The following CCDC172 variants were observed in gnomAD, a reference collection of about 807,000 sequenced individuals.
CCDC172 encodes the protein coiled-coil domain containing 172.
In CCDC172, 30 loss-of-function variants were observed where a neutral mutation model predicts 38.0. That is an observed-to-expected ratio of 0.79 (90% CI 0.59 to 1.07). The LOEUF (loss-of-function observed/expected upper bound fraction) is 1.07, where lower values mean the gene tolerates loss of function less well. Ranked by LOEUF, CCDC172 falls within the 50% of genes least tolerant of loss-of-function variation. The pLI, the probability that CCDC172 is intolerant of heterozygous loss-of-function variation, is 0.00. For synonymous variants in CCDC172, 78 were observed against 88.3 expected (o/e 0.88, Z 0.66); for missense variants, 297 against 290.1 (o/e 1.02, Z -0.17).
intron 5 of CCDC172, among the ~76,000 whole-genome samples, chr10:116,353,375 A>T (rs745574147): frequency 6.6e-6 from 1 of 152,228 alleles, no homozygotes; most frequent in Admixed American, 6.5e-5. Flanking sequence ...GCAATAAAGT[A>T]TAGATAAATT....
chr10:116,340,250 A>G (rs1414116440), intron 3 of CCDC172, among the ~76,000 whole-genome samples: 2 of 151,790 alleles, frequency 1.3e-5, no homozygotes, highest in East Asian at 3.9e-4. Context: ...TTTTTATTTG[A>G]TATAACTATA....
intron 5 of CCDC172, among the ~76,000 whole-genome samples, chr10:116,354,921 A>T (rs914944418): frequency 4.6e-5 from 7 of 152,212 alleles, no homozygotes. Context: ...TTTTACAAAA[A>T]AAGTTTAAGA....
chr10:116,349,620 G>C (rs149358524), intron 5 of CCDC172, among the ~76,000 whole-genome samples: 8 of 152,272 alleles, frequency 5.3e-5, no homozygotes, highest in Admixed American at 2.6e-4. Context: ...TTTTCACAGA[G>C]AGAGGAACTA....
intron 7 of CCDC172, among the ~76,000 whole-genome samples, chr10:116,373,649 C>T (rs190869332): frequency 2.6e-5 from 4 of 152,172 alleles, no homozygotes; most frequent in Admixed American, 6.5e-5. Flanking sequence ...GGATTACAGG[C>T]GTGTGCCACC....
Position 116,338,608 on chromosome 10 carries a change from A to G in CCDC172, c.166-2126A>G, listed in dbSNP as rs558249370. ...ATTTCATTTTTTAGGTAATGGTGAA[A>G]TATTCTGGTTAAGTGCCAATATGTC... is the stretch of plus-strand genomic sequence containing the variant. On this transcript the variant is annotated intron_variant, in intron 3 of 8. Coordinates refer to ENST00000333254, the MANE Select transcript of CCDC172 (RefSeq NM_198515.3). 2.6e-5 allele frequency among the ~76,000 whole-genome samples: 4 copies of G among 152,144 alleles called. No individual in the cohort carries two copies. In the East Asian group the frequency reaches 7.7e-4, roughly 29 times the overall value.
intron 7 of CCDC172, among the ~76,000 whole-genome samples, chr10:116,365,664 A>G (rs1845114345): frequency 6.6e-6 from 1 of 152,154 alleles, no homozygotes; most frequent in Admixed American, 6.6e-5. Context: ...TTTCTCATTT[A>G]CTATTAAATT....
chr10:116,354,327 C>A (rs1466648004), intron 5 of CCDC172, among the ~76,000 whole-genome samples: 1 of 151,880 alleles, frequency 6.6e-6, no homozygotes, highest in African/African-American at 2.4e-5. Context: ...GAGTATATTC[C>A]TCCTACTTAT....
chr10:116,367,941 T>A (rs1392763694), intron 7 of CCDC172, among the ~76,000 whole-genome samples: 1 of 152,194 alleles, frequency 6.6e-6, no homozygotes, highest in African/African-American at 2.4e-5. Flanking sequence ...TTCATTAAAT[T>A]GACACTTTTT....
intron 8 of CCDC172, 49 bp downstream of exon 8, chr10:116,378,559 C>A: frequency 1.4e-6 from 2 of 1,451,710 alleles, no homozygotes; most frequent in Non-Finnish European, 1.9e-6. Context: ...ATTTTACCTA[C>A]TGGTAAGGAA....
chr10:116,363,144 T>G (rs1845083782), intron 7 of CCDC172, among the ~76,000 whole-genome samples: 1 of 152,214 alleles, frequency 6.6e-6, no homozygotes, highest in African/African-American at 2.4e-5. Context: ...TATGTTTATC[T>G]TTATAAATCA....
At chr10:116,330,869 G>A (rs903243577) in intron 3 of CCDC172, among the ~76,000 whole-genome samples, 1 of 151,930 alleles carries the variant, frequency 6.6e-6, no homozygotes, top group African/African-American at 2.4e-5. Flanking sequence ...GAGTAGCTGG[G>A]ACTACAGGCC....
intron 7 of CCDC172, among the ~76,000 whole-genome samples, chr10:116,377,344 G>C (rs1845258986): frequency 6.6e-6 from 1 of 152,086 alleles, no homozygotes; most frequent in Non-Finnish European, 1.5e-5. Flanking sequence ...CCATTTTCAA[G>C]ATAGATTACA....
At chr10:116,357,745 C>T in intron 6 of CCDC172, 91 bp from the exon 7 acceptor site, 1 of 735,358 alleles carries the variant, frequency 1.4e-6, no homozygotes, top group Non-Finnish European at 2.2e-6. Context: ...TATGCAAGCA[C>T]CAAAAATTAG....
chr10:116,366,528 G>GT (rs1589958496), intron 7 of CCDC172, among the ~76,000 whole-genome samples: 1 of 152,116 alleles, frequency 6.6e-6, no homozygotes. Flanking sequence ...TTTATTCAAT[G>GT]TTTTTTCTAA....
chr10:116,328,260 G>A (rs1317558501), intron 3 of CCDC172, among the ~76,000 whole-genome samples: 1 of 152,048 alleles, frequency 6.6e-6, no homozygotes, highest in Non-Finnish European at 1.5e-5. Context: ...AGTACTTTAT[G>A]AATTGGACAG....
At chr10:116,329,893 C>A (rs749097423) in intron 3 of CCDC172, among the ~76,000 whole-genome samples, 3 of 152,160 alleles carry the variant, frequency 2.0e-5, no homozygotes, top group Non-Finnish European at 2.9e-5. Flanking sequence ...TTTATTGGAA[C>A]TGATCATTGA....
intron 3 of CCDC172, among the ~76,000 whole-genome samples, chr10:116,335,550 AT>A (rs1220831702): frequency 6.6e-6 from 1 of 152,022 alleles, no homozygotes; most frequent in African/African-American, 2.4e-5. Context: ...TTTTCATAAG[AT>A]TGCACTAATT....
intron 7 of CCDC172, among the ~76,000 whole-genome samples, chr10:116,359,778 T>C (rs1272330701): frequency 6.6e-6 from 1 of 152,242 alleles, no homozygotes; most frequent in Admixed American, 6.5e-5. Flanking sequence ...GCTTACTGTT[T>C]CTAGTTTTAG....
At chr10:116,351,975 G>A (rs756275663) in intron 5 of CCDC172, among the ~76,000 whole-genome samples, 17 of 152,132 alleles carry the variant, frequency 1.1e-4, no homozygotes, top group Non-Finnish European at 1.9e-4. Context: ...ATCCTCTTGA[G>A]TCTTTGGATG....
Sources: allele counts gnomAD v4.1 joint callset (sites outside exome capture counted in the v4.1 genomes callset), GRCh38; gene constraint gnomAD v4.1.1; transcripts MANE v1.5; gene names NCBI Gene and HGNC (gene_info 2026-07-23, HGNC 2026-07-21).